Variants in SOHLH2 observed in about 807,000 individuals in gnomAD.
SOHLH2 encodes the protein spermatogenesis and oogenesis specific basic helix-loop-helix 2.
A neutral mutation model predicts 50.4 loss-of-function variants in SOHLH2; 22 were observed. That is an observed-to-expected ratio of 0.44 (90% CI 0.31 to 0.62). SOHLH2 has a LOEUF of 0.62. SOHLH2 is among the 20% of genes least tolerant of loss of function. The pLI is 0.08. For synonymous variants in SOHLH2, 185 were observed against 187.3 expected (o/e 0.99, Z 0.10); for missense variants, 412 against 504.4 (o/e 0.82, Z 1.76).
chr13:36,174,670 G>A, intron 7 of SOHLH2, 52 bp downstream of exon 7: 2 of 1,596,398 alleles, frequency 1.3e-6, no homozygotes, highest in Non-Finnish European at 1.7e-6. Flanking sequence ...TAAAATTGTA[G>A]TATTAAAGCA....
chr13:36,209,051 A>G (rs1868948502), intron 1 of SOHLH2, among the ~76,000 whole-genome samples: 1 of 151,656 alleles, frequency 6.6e-6, no homozygotes, highest in Non-Finnish European at 1.5e-5. Context: ...TTATTTCTTT[A>G]TTTCCTCCTT....
chr13:36,168,814 T>C lies in SOHLH2; in HGVS notation c.*220A>G, dbSNP rs889323085. 1.3e-5 allele frequency: 8 copies of C among 607,280 alleles called. No homozygotes were observed. The highest frequency in any genetic ancestry group is 4.0e-5 in the Admixed American group (1 of 24,942). 37.6% of individuals were successfully genotyped at this position (607,280 alleles called of 1,614,324 possible). ...GCTCTCTGGCTGGCGGGGATCCAAG[T>C]GTGTATGAAGATGAGTGACAGTGTG... On this transcript the variant is annotated 3_prime_UTR_variant, in exon 11 of 11. Transcript: ENST00000379881.
At position 36,193,854 on chromosome 13, in the gene SOHLH2, T is replaced by C; in HGVS notation, c.277A>G (p.Lys93Glu). Residue 93 changes from lysine to glutamate, a missense_variant, in exon 3 of 11, where the codon AAA (lysine) becomes GAA (glutamate). Coordinates refer to ENST00000379881, the MANE Select transcript of SOHLH2 (RefSeq NM_017826.3). ...AAAACAAACAGTGAATGTGTATTTT[T>C]CTTTTTGCCAAATCTGAGAGAGGAA... ...AIKLIRFGKK[K>E]NTHSLFVFII... 6.2e-7 allele frequency: 1 copy of C among 1,600,488 alleles called. No homozygotes were observed. Among genetic ancestry groups the C allele is most frequent in the South Asian group, 1.2e-5 (1 of 86,776 alleles).
chr13:36,208,480 T>C (rs1372865142), intron 1 of SOHLH2, among the ~76,000 whole-genome samples: 2 of 152,186 alleles, frequency 1.3e-5, no homozygotes, highest in Non-Finnish European at 2.9e-5. Context: ...TAAGTATACA[T>C]AGCCATTTTC....
chr13:36,203,135 C>G (rs961805817), intron 1 of SOHLH2, among the ~76,000 whole-genome samples: 1 of 152,182 alleles, frequency 6.6e-6, no homozygotes, highest in Admixed American at 6.5e-5. Flanking sequence ...TCAATCCCTT[C>G]TCTGAAAGGA....
intron 9 of SOHLH2, among the ~76,000 whole-genome samples, chr13:36,172,181 T>C (rs930977633): frequency 3.3e-5 from 5 of 152,188 alleles, no homozygotes; most frequent in Non-Finnish European, 5.9e-5. Context: ...TGCTGGGGCA[T>C]AGAAAGGCCT....
At chr13:36,175,079 C>CT (rs1887064980) in intron 6 of SOHLH2, among the ~76,000 whole-genome samples, 1 of 152,194 alleles carries the variant, frequency 6.6e-6, no homozygotes, top group Non-Finnish European at 1.5e-5. Flanking sequence ...ACGCATACTG[C>CT]TACACAAAGA....
intron 1 of SOHLH2, among the ~76,000 whole-genome samples, chr13:36,208,713 T>G (rs953664433): frequency 6.6e-6 from 1 of 152,224 alleles, no homozygotes; most frequent in African/African-American, 2.4e-5. Context: ...TTTCTTGGAT[T>G]CATTTTACTG....
intron 2 of SOHLH2, among the ~76,000 whole-genome samples, chr13:36,197,737 A>G (rs1357550498): frequency 6.6e-6 from 1 of 152,126 alleles, no homozygotes; most frequent in East Asian, 1.9e-4. Flanking sequence ...TTAAGCTCTG[A>G]TAGTTTATTC....
At chr13:36,211,422 G>T (rs550000160) in intron 1 of SOHLH2, among the ~76,000 whole-genome samples, 10 of 152,302 alleles carry the variant, frequency 6.6e-5, no homozygotes, top group African/African-American at 2.2e-4. Context: ...AGGGCTGGGC[G>T]CTAGGAGCAC....
chr13:36,189,879 A>G, intron 6 of SOHLH2, 67 bp downstream of exon 6: 11 of 1,429,156 alleles, frequency 7.7e-6, no homozygotes, highest in Non-Finnish European at 9.3e-6. Flanking sequence ...ACTACAAAAA[A>G]TTATAAAATT....
At chr13:36,182,934 A>G (rs776323642) in intron 6 of SOHLH2, 2 of 159,182 alleles carry the variant, frequency 1.3e-5, no homozygotes, top group African/African-American at 2.4e-5. Context: ...GTGATGCCCA[A>G]TGTTGGAGGT....
At chr13:36,178,804 A>G (rs1887163372) in intron 6 of SOHLH2, among the ~76,000 whole-genome samples, 2 of 151,120 alleles carry the variant, frequency 1.3e-5, no homozygotes, top group South Asian at 4.2e-4. Flanking sequence ...TTGAATGATC[A>G]ATGTACAGAT....
chr13:36,185,411 G>A (rs918437831), intron 6 of SOHLH2, among the ~76,000 whole-genome samples: 14 of 151,932 alleles, frequency 9.2e-5, no homozygotes, highest in African/African-American at 3.4e-4. Context: ...AAGTTGCAGC[G>A]AGCCAAGATT....
At chr13:36,179,024 A>G (rs972841301) in intron 6 of SOHLH2, among the ~76,000 whole-genome samples, 2 of 152,098 alleles carry the variant, frequency 1.3e-5, no homozygotes, top group African/African-American at 4.8e-5. Flanking sequence ...TAGGACTTTG[A>G]CTTTATACCC....
intron 4 of SOHLH2, 78 bp downstream of exon 4, chr13:36,193,543 G>C: frequency 7.1e-7 from 1 of 1,414,634 alleles, no homozygotes; most frequent in East Asian, 2.4e-5. Flanking sequence ...ATTTATGCTT[G>C]TTTTTGTCAG....
At chr13:36,185,120 CA>C (rs1187700537) in intron 6 of SOHLH2, among the ~76,000 whole-genome samples, 1 of 152,116 alleles carries the variant, frequency 6.6e-6, no homozygotes, top group Non-Finnish European at 1.5e-5. Flanking sequence ...GTTATGGCTA[CA>C]TAGTATTGTG....
At chr13:36,178,920 G>C (rs1887172021) in intron 6 of SOHLH2, among the ~76,000 whole-genome samples, 1 of 149,314 alleles carries the variant, frequency 6.7e-6, no homozygotes, top group Non-Finnish European at 1.5e-5. Context: ...ATTATTTGCT[G>C]TTAATATATA....
chr13:36,182,235 C>T, intron 6 of SOHLH2: 1 of 985,314 alleles, frequency 1.0e-6, no homozygotes, highest in Non-Finnish European at 1.2e-6. Flanking sequence ...GCAACTCAGA[C>T]AAAATCTTGT....
Sources: gnomAD v4.1 joint callset for allele counts (sites outside exome capture counted in the v4.1 genomes callset) on GRCh38, gnomAD v4.1.1 for gene constraint, MANE v1.5 for transcripts, NCBI Gene and HGNC (gene_info 2026-07-23, HGNC 2026-07-21) for gene names.